Variants in ATP11B observed in about 807,000 individuals in gnomAD.
ATP11B encodes phospholipid-transporting ATPase IF.
A neutral mutation model predicts 157.8 loss-of-function variants in ATP11B; 81 were observed. The ratio of observed to expected loss-of-function variants is 0.51; its 90% CI spans 0.43 to 0.62. The LOEUF (loss-of-function observed/expected upper bound fraction) is 0.62. Among genes scored for constraint, ATP11B ranks in the 20% least tolerant of loss-of-function variants. The pLI is 0.00. For missense variants in ATP11B, 1,165 were observed against 1,402.2 expected (o/e 0.83, Z 2.70); for synonymous variants, 451 against 469.4 (o/e 0.96, Z 0.51).
At chr3:182,882,264 T>C (rs950416011) in intron 21 of ATP11B, among the ~76,000 whole-genome samples, 1 of 152,176 alleles carries the variant, frequency 6.6e-6, no homozygotes. Context: ...CTAGTTTGTA[T>C]ACCGTTATTT....
intron 28 of ATP11B, among the ~76,000 whole-genome samples, chr3:182,913,058 G>GC (rs1553826669): frequency 1.3e-5 from 2 of 152,018 alleles, no homozygotes; most frequent in Non-Finnish European, 2.9e-5. Flanking sequence ...AAATTATCTT[G>GC]CTGGGCTATT....
intron 1 of ATP11B, among the ~76,000 whole-genome samples, chr3:182,794,632 G>A: frequency 6.6e-6 from 1 of 152,242 alleles, no homozygotes; most frequent in East Asian, 1.9e-4. Flanking sequence ...GTCATTTAAG[G>A]CCTATAAAAA....
chr3:182,867,677 A>G (rs1490342215), intron 15 of ATP11B, among the ~76,000 whole-genome samples: 1 of 138,216 alleles, frequency 7.2e-6, no homozygotes, highest in Non-Finnish European at 1.5e-5. Context: ...TCCACCTCCC[A>G]GGTTCAAGTG....
At chr3:182,906,725 T>C (rs1724380967) in intron 28 of ATP11B, among the ~76,000 whole-genome samples, 1 of 151,098 alleles carries the variant, frequency 6.6e-6, no homozygotes, top group Non-Finnish European at 1.5e-5. Flanking sequence ...TGCTGGGATA[T>C]AGGCGTGAAC....
chr3:182,866,892 TAAA>T (rs1429870905), intron 14 of ATP11B, among the ~76,000 whole-genome samples: 1 of 147,250 alleles, frequency 6.8e-6, no homozygotes, highest in Non-Finnish European at 1.5e-5. Flanking sequence ...AAATATATAT[TAAA>T]AAGAATATAT....
chr3:182,861,293 G>A (rs1196763422), intron 12 of ATP11B, among the ~76,000 whole-genome samples: 2 of 152,140 alleles, frequency 1.3e-5, no homozygotes, highest in African/African-American at 4.8e-5. Context: ...TCAAACTCCC[G>A]ACCTCAGGTG....
intron 25 of ATP11B, among the ~76,000 whole-genome samples, chr3:182,890,703 A>G (rs557389065): frequency 2.0e-5 from 3 of 152,034 alleles, no homozygotes; most frequent in Non-Finnish European, 4.4e-5. Flanking sequence ...AATAATAACT[A>G]CCTTTTGTTG....
At chr3:182,851,663 T>TA (rs1405293017) in intron 10 of ATP11B, among the ~76,000 whole-genome samples, 6 of 152,334 alleles carry the variant, frequency 3.9e-5, no homozygotes, top group Admixed American at 3.9e-4. Flanking sequence ...GGCAAAGATT[T>TA]ATAGCTAATA....
intron 2 of ATP11B, among the ~76,000 whole-genome samples, chr3:182,820,712 A>G (rs1199785632): frequency 1.3e-5 from 2 of 152,134 alleles, no homozygotes; most frequent in Non-Finnish European, 2.9e-5. Context: ...GGATCATTTT[A>G]TTTTTAAAAG....
intron 26 of ATP11B, 51 bp downstream of exon 26, chr3:182,896,816 G>A (rs773116071): frequency 3.7e-6 from 5 of 1,357,190 alleles, no homozygotes; most frequent in Non-Finnish European, 4.2e-6. Context: ...TGTTTACATA[G>A]TTAGTTAACT....
At chr3:182,894,465 T>C (rs1343588947) in intron 25 of ATP11B, among the ~76,000 whole-genome samples, 1 of 152,120 alleles carries the variant, frequency 6.6e-6, no homozygotes, top group Admixed American at 6.5e-5. Flanking sequence ...GAATTACAGG[T>C]GTGAGCCACC....
Position 182,869,170 on chromosome 3 carries a change from C to A in ATP11B, c.1762+19C>A. ...CCTTCAGGTAACCAATCTAAACTTT[C>A]ATGAATTTTTATTTATGTAATATTA... On this transcript the variant is annotated intron_variant, in intron 16 of 29. Coordinates refer to ENST00000323116, the MANE Select transcript of ATP11B (RefSeq NM_014616.3). 1.2e-6 allele frequency: 2 copies of A among 1,602,860 alleles called. No individual in the cohort carries two copies. The highest frequency in any genetic ancestry group is 1.7e-6 in the Non-Finnish European group (2 of 1,173,554).
At chr3:182,908,410 G>A (rs1024374144) in intron 28 of ATP11B, 34 of 151,818 alleles carry the variant, frequency 2.2e-4, no homozygotes, top group African/African-American at 8.0e-4. Context: ...TGGCCAGGCT[G>A]TTCTCAAACT....
chr3:182,889,547 A>C lies in ATP11B; in HGVS notation c.2981A>C (p.Gln994Pro). ...GKDTSLLGNG[Q>P]MFGNWTFGTL... ...GATACATCTCTGCTTGGAAATGGCC[A>C]GGTAAAGTATATAGTTTTTTTAAAG... The change falls in exon 25 of 30, where the codon CAG (glutamine) becomes CCG (proline). Residue 994 changes from glutamine (Q) to proline (P), a missense_variant and splice_region_variant. Coordinates refer to ENST00000323116, the MANE Select transcript of ATP11B (RefSeq NM_014616.3). 1 of 1,544,410 alleles carries C rather than the reference A, an allele frequency of 6.5e-7. No individual in the cohort carries two copies. The highest frequency in any genetic ancestry group is 8.6e-7 in the Non-Finnish European group (1 of 1,156,080).
intron 8 of ATP11B, among the ~76,000 whole-genome samples, chr3:182,845,065 C>T (rs980842205): frequency 2.7e-5 from 4 of 145,572 alleles, no homozygotes; most frequent in Non-Finnish European, 4.5e-5. Flanking sequence ...AGTGCAGTGG[C>T]GCAATCTCGG....
chr3:182,825,911 T>C (rs548038054), intron 2 of ATP11B, among the ~76,000 whole-genome samples: 1 of 152,108 alleles, frequency 6.6e-6, no homozygotes, highest in East Asian at 1.9e-4. Context: ...AAAAATAAAA[T>C]AAAATAACCT....
chr3:182,851,456 G>C (rs981158428), intron 10 of ATP11B, among the ~76,000 whole-genome samples: 1 of 151,814 alleles, frequency 6.6e-6, no homozygotes, highest in Non-Finnish European at 1.5e-5. Context: ...AACTTCTTGT[G>C]ATGCTAGATG....
At chr3:182,835,018 A>G (rs1164032109) in intron 4 of ATP11B, among the ~76,000 whole-genome samples, 4 of 152,202 alleles carry the variant, frequency 2.6e-5, no homozygotes, top group Admixed American at 6.5e-5. Flanking sequence ...CAATATATTT[A>G]CTATTCATGA....
At chr3:182,889,678 A>T (rs73054647) in intron 25 of ATP11B, 130 bp downstream of exon 25, 89,561 of 843,020 alleles carry the variant, frequency 0.11, 5,469 homozygotes, top group African/African-American at 0.23. Context: ...AAAAAGGTTT[A>T]AATTTTGTGG....
Sources: allele counts gnomAD v4.1 joint callset (sites outside exome capture counted in the v4.1 genomes callset), GRCh38; gene constraint gnomAD v4.1.1; transcripts MANE v1.5; gene names NCBI Gene and HGNC (gene_info 2026-07-23, HGNC 2026-07-21).